CDH12: variants seen among roughly 807,000 people sequenced by gnomAD.
CDH12 encodes cadherin-12.
CDH12 carries 41 observed loss-of-function variants against 74.1 expected under a neutral mutation model. That is an observed-to-expected ratio of 0.55 (90% CI 0.43 to 0.72). The LOEUF (loss-of-function observed/expected upper bound fraction) is 0.72. Ranked by LOEUF, CDH12 falls within the 30% of genes least tolerant of loss-of-function variation. CDH12 has a pLI of 0.00. For synonymous variants in CDH12, 399 were observed against 355.0 expected (o/e 1.12, Z -1.39); for missense variants, 945 against 977.2 (o/e 0.97, Z 0.44).
At chr5:22,324,594 T>C (rs1739009710) in intron 3 of CDH12, among the ~76,000 whole-genome samples, 1 of 151,724 alleles carries the variant, frequency 6.6e-6, no homozygotes, top group Non-Finnish European at 1.5e-5. Context: ...TTACAATAAA[T>C]AACCAAATAT....
At chr5:22,425,153 GTATATATATATATATATAAATA>G (rs1210809111) in intron 2 of CDH12, among the ~76,000 whole-genome samples, 1 of 88,016 alleles carries the variant, frequency 1.1e-5, no homozygotes, top group African/African-American at 3.9e-5. Context: ...ATGTGTGTGT[GTATATATATATATATATAAATA>G]TATATATATA....
At chr5:22,363,122 G>T (rs1740889770) in intron 3 of CDH12, among the ~76,000 whole-genome samples, 1 of 151,970 alleles carries the variant, frequency 6.6e-6, no homozygotes, top group Admixed American at 6.6e-5. Context: ...ATGGAGCTCT[G>T]TGTATATTAG....
At chr5:21,962,455 A>C (rs1285886427) in intron 6 of CDH12, among the ~76,000 whole-genome samples, 2 of 152,160 alleles carry the variant, frequency 1.3e-5, no homozygotes, top group African/African-American at 4.8e-5. Context: ...TATCATTGTG[A>C]CAATATCTCC....
rs567361316 is a variant in CDH12, at chr5:21,762,310, T to A, written c.1516-1635A>T. ...CCTGCCCTGAGGAAAACAACTACCATCTAAATTTGTACTGATTTACATAGC... is the reference window on the plus strand; with the variant it reads ...CCTGCCCTGAGGAAAACAACTACCAACTAAATTTGTACTGATTTACATAGC... On this transcript the variant is annotated intron_variant, in intron 12 of 14. Transcript: ENST00000382254. 1.1e-4 allele frequency among the ~76,000 whole-genome samples: 16 copies of A among 152,234 alleles called. No individual in the cohort carries two copies. In the South Asian group the frequency reaches 3.1e-3, roughly 30 times the overall value.
intron 2 of CDH12, among the ~76,000 whole-genome samples, chr5:22,436,562 T>C (rs1188060184): frequency 6.6e-6 from 1 of 152,048 alleles, no homozygotes; most frequent in Non-Finnish European, 1.5e-5. Flanking sequence ...CAACTGGCTC[T>C]GCATGAATTA....
chr5:22,571,412 C>T (rs1303482535), intron 1 of CDH12, among the ~76,000 whole-genome samples: 2 of 152,096 alleles, frequency 1.3e-5, no homozygotes, highest in Non-Finnish European at 1.5e-5. Context: ...CTGCAACCTC[C>T]GCCTCCTGAG....
intron 6 of CDH12, among the ~76,000 whole-genome samples, chr5:21,957,815 G>A (rs1756169289): frequency 6.6e-6 from 1 of 151,964 alleles, no homozygotes; most frequent in South Asian, 2.1e-4. Context: ...CTGGATTTTA[G>A]ACATTTGTCA....
At chr5:22,587,507 C>T (rs1395841254) in intron 1 of CDH12, among the ~76,000 whole-genome samples, 1 of 152,118 alleles carries the variant, frequency 6.6e-6, no homozygotes, top group African/African-American at 2.4e-5. Context: ...CGGATGAAGG[C>T]CAACCCTCCT....
At chr5:22,410,496 T>C (rs766201316) in intron 2 of CDH12, among the ~76,000 whole-genome samples, 2 of 152,116 alleles carry the variant, frequency 1.3e-5, no homozygotes, top group Non-Finnish European at 2.9e-5. Flanking sequence ...CTCACAGCAT[T>C]AGATCATATC....
chr5:22,507,270 T>C (rs1014141748), intron 1 of CDH12, among the ~76,000 whole-genome samples: 1 of 152,114 alleles, frequency 6.6e-6, no homozygotes, highest in Non-Finnish European at 1.5e-5. Context: ...GGCAACCTAT[T>C]ACTATGACCA....
intron 2 of CDH12, among the ~76,000 whole-genome samples, chr5:22,455,478 G>A (rs987515702): frequency 1.3e-5 from 2 of 152,100 alleles, no homozygotes; most frequent in Non-Finnish European, 2.9e-5. Flanking sequence ...TGAATCAGAA[G>A]TTCTGAGGGA....
intron 3 of CDH12, among the ~76,000 whole-genome samples, chr5:22,325,730 CA>C (rs1349805079): frequency 1.3e-5 from 2 of 151,764 alleles, no homozygotes; most frequent in Non-Finnish European, 2.9e-5. Context: ...ACTAAAAATA[CA>C]AAAAAAATCT....
At chr5:22,360,321 G>T (rs1450049529) in intron 3 of CDH12, among the ~76,000 whole-genome samples, 2 of 152,152 alleles carry the variant, frequency 1.3e-5, no homozygotes, top group Admixed American at 6.5e-5. Flanking sequence ...AAATAAACTA[G>T]AAAATCTAGA....
intron 1 of CDH12, among the ~76,000 whole-genome samples, chr5:22,734,664 C>G (rs574500166): frequency 6.6e-6 from 1 of 151,998 alleles, no homozygotes; most frequent in Non-Finnish European, 1.5e-5. Context: ...TCAATCTCTG[C>G]CATTACCATG....
chr5:22,592,539 G>A (rs925777780), intron 1 of CDH12, among the ~76,000 whole-genome samples: 2 of 151,754 alleles, frequency 1.3e-5, no homozygotes, highest in African/African-American at 2.4e-5. Flanking sequence ...TCCTCCTATT[G>A]CCATAAATTC....
chr5:21,878,755 A>G (rs1381370636), intron 6 of CDH12, among the ~76,000 whole-genome samples: 1 of 148,260 alleles, frequency 6.7e-6, no homozygotes, highest in Non-Finnish European at 1.5e-5. Context: ...CCCTGTTGAA[A>G]GAAGAAAAGA....
chr5:22,273,878 CATTCT>C (rs1736512555), intron 3 of CDH12, among the ~76,000 whole-genome samples: 2 of 152,240 alleles, frequency 1.3e-5, no homozygotes, highest in Non-Finnish European at 1.5e-5. Flanking sequence ...TATAGAGAAG[CATTCT>C]ATCTTTTCTC....
intron 3 of CDH12, among the ~76,000 whole-genome samples, chr5:22,232,949 C>A (rs6894437): frequency 0.43 from 63,383 of 148,850 alleles, 13,673 homozygotes; most frequent in East Asian, 0.49. Flanking sequence ...TGTAGAGAAT[C>A]GAATAACCAT....
At chr5:21,990,143 C>A (rs1757685270) in intron 5 of CDH12, among the ~76,000 whole-genome samples, 1 of 152,160 alleles carries the variant, frequency 6.6e-6, no homozygotes, top group South Asian at 2.1e-4. Context: ...ACAATCACAC[C>A]ATATTTAGTG....
Sources: allele counts gnomAD v4.1 joint callset (sites outside exome capture counted in the v4.1 genomes callset), GRCh38; gene constraint gnomAD v4.1.1; transcripts MANE v1.5; gene names NCBI Gene and HGNC (gene_info 2026-07-23, HGNC 2026-07-21).